Variants in GRIN2B observed in about 807,000 individuals in gnomAD.
The protein encoded by GRIN2B is glutamate ionotropic receptor NMDA type subunit 2B.
A neutral mutation model predicts 114.5 loss-of-function variants in GRIN2B; 5 were observed. The ratio of observed to expected loss-of-function variants is 0.04; its 90% CI spans 0.02 to 0.09. The LOEUF is 0.09. Ranked by LOEUF, GRIN2B falls within the 10% of genes least tolerant of loss-of-function variation. The probability of loss-of-function intolerance (pLI) is 1.00; values close to 1 mark genes in which losing one functional copy is unlikely to be tolerated. For synonymous variants in GRIN2B, 787 were observed against 745.1 expected (o/e 1.06, Z -0.92); for missense variants, 1,108 against 1,943.5 (o/e 0.57, Z 8.08).
chr12:13,968,690 A>G (rs2136869186), intron 2 of GRIN2B, among the ~76,000 whole-genome samples: 1 of 152,320 alleles, frequency 6.6e-6, no homozygotes, highest in East Asian at 1.9e-4. Flanking sequence ...TTTTATATTT[A>G]TTTTCTATAA....
chr12:13,739,246 G>C (rs989685149), intron 4 of GRIN2B, among the ~76,000 whole-genome samples: 1 of 151,708 alleles, frequency 6.6e-6, no homozygotes, highest in Admixed American at 6.6e-5. Flanking sequence ...CGGGCATGGT[G>C]GTGCATGCTA....
At chr12:13,630,969 C>T (rs953472753) in intron 5 of GRIN2B, among the ~76,000 whole-genome samples, 2 of 152,076 alleles carry the variant, frequency 1.3e-5, no homozygotes, top group Admixed American at 6.6e-5. Context: ...GCACATCTTA[C>T]GTGGCAGCAG....
At chr12:13,781,365 A>C (rs1047182013) in intron 3 of GRIN2B, among the ~76,000 whole-genome samples, 1 of 152,212 alleles carries the variant, frequency 6.6e-6, no homozygotes, top group African/African-American at 2.4e-5. Context: ...AGATTATTGT[A>C]AATTTGGGAA....
intron 2 of GRIN2B, among the ~76,000 whole-genome samples, chr12:13,958,883 A>G (rs1458212444): frequency 3.3e-5 from 5 of 152,142 alleles, no homozygotes; most frequent in African/African-American, 1.2e-4. Context: ...GGGAAAAAAG[A>G]CGTTATAGAG....
chr12:13,741,535 G>C (rs1440567280), intron 4 of GRIN2B, among the ~76,000 whole-genome samples: 1 of 152,096 alleles, frequency 6.6e-6, no homozygotes, highest in Non-Finnish European at 1.5e-5. Context: ...ATCTCAGGGG[G>C]TTTGGGGTTT....
intron 10 of GRIN2B, among the ~76,000 whole-genome samples, chr12:13,592,666 T>A (rs1369548710): frequency 6.6e-6 from 1 of 152,114 alleles, no homozygotes; most frequent in Non-Finnish European, 1.5e-5. Flanking sequence ...CTGGCCCCCA[T>A]ACTTCATTTA....
chr12:13,633,283 C>A (rs1949632951), intron 5 of GRIN2B, among the ~76,000 whole-genome samples: 1 of 152,244 alleles, frequency 6.6e-6, no homozygotes, highest in Non-Finnish European at 1.5e-5. Flanking sequence ...TCTCAGGCAT[C>A]TCTCCAGAAC....
rs141353644 is a variant in GRIN2B, at chr12:13,760,628, C to T, written c.412-6713G>A. On this transcript the variant is annotated intron_variant, in intron 3 of 13. Coordinates refer to ENST00000609686, the MANE Select transcript of GRIN2B (RefSeq NM_000834.5). ...AATCTGTGTCTGAAAAACTCTGGAACTGGTAGGCTTTCCCTGAGACTTTCT... is the reference window on the plus strand; with the variant it reads ...AATCTGTGTCTGAAAAACTCTGGAATTGGTAGGCTTTCCCTGAGACTTTCT... Among the ~76,000 whole-genome samples the T allele has an allele frequency of 6.4e-3, 975 of 152,290 alleles. 7 individuals carry two copies. Among genetic ancestry groups the T allele is most frequent in the Middle Eastern group, 0.017 (5 of 294 alleles).
intron 2 of GRIN2B, among the ~76,000 whole-genome samples, chr12:13,933,323 G>A (rs1023299061): frequency 6.6e-6 from 1 of 152,130 alleles, no homozygotes; most frequent in African/African-American, 2.4e-5. Context: ...CTTCCCTGGG[G>A]CAGCATCTTC....
At chr12:13,688,736 C>A (rs1427446687) in intron 4 of GRIN2B, among the ~76,000 whole-genome samples, 4 of 152,152 alleles carry the variant, frequency 2.6e-5, no homozygotes, top group African/African-American at 4.8e-5. Flanking sequence ...AAAAACTTAT[C>A]CTGCTTTGGC....
At chr12:13,616,368 C>T in intron 6 of GRIN2B, 87 bp downstream of exon 6, 4 of 919,726 alleles carry the variant, frequency 4.3e-6, no homozygotes, top group Non-Finnish European at 7.2e-6. Flanking sequence ...AATTCTCATG[C>T]CTCAGGTCTC....
At chr12:13,871,447 T>A (rs570885784) in intron 2 of GRIN2B, among the ~76,000 whole-genome samples, 1 of 151,644 alleles carries the variant, frequency 6.6e-6, no homozygotes, top group African/African-American at 2.4e-5. Flanking sequence ...AAACTAAAAT[T>A]CCTTTGAACA....
chr12:13,697,973 C>T (rs115326452), intron 4 of GRIN2B, among the ~76,000 whole-genome samples: 223 of 152,290 alleles, frequency 1.5e-3, no homozygotes, highest in African/African-American at 5.2e-3. Context: ...GATAAATAGA[C>T]CCCACCTGCT....
chr12:13,753,949 GA>G lies in GRIN2B; in HGVS notation c.412-35del. On this transcript the variant is annotated intron_variant, in intron 3 of 13. Transcript: ENST00000609686. The surrounding 1 kb of genome is among the most constrained non-coding windows in gnomAD (Gnocchi z 6.2). ...AGAACAGGACAAAAAAAGGAAGAGA[GA>G]AAAAAATCAAACCAAAGATGGTAAT... The G allele has an allele frequency of 7.0e-7, 1 of 1,424,236 alleles. No homozygotes were observed. Among genetic ancestry groups the G allele is most frequent in the Non-Finnish European group, 9.9e-7 (1 of 1,008,924 alleles). 88.2% of individuals were successfully genotyped at this position (1,424,236 alleles called of 1,614,324 possible).
intron 3 of GRIN2B, among the ~76,000 whole-genome samples, chr12:13,783,400 A>T (rs969989969): frequency 1.0e-5 from 1 of 99,464 alleles, no homozygotes; most frequent in Non-Finnish European, 2.3e-5. Flanking sequence ...GATCTCCAAA[A>T]TATAGGACAA....
At chr12:13,723,225 G>C (rs547762804) in intron 4 of GRIN2B, among the ~76,000 whole-genome samples, 46 of 151,882 alleles carry the variant, frequency 3.0e-4, no homozygotes, top group African/African-American at 1.0e-3. Flanking sequence ...GTGCCATGGT[G>C]GTTTGCTGCA....
chr12:13,655,467 A>T (rs2136521133), intron 5 of GRIN2B, among the ~76,000 whole-genome samples: 1 of 152,312 alleles, frequency 6.6e-6, no homozygotes. Context: ...GCATTAGGAC[A>T]CTTAGAAGCT....
intron 5 of GRIN2B, among the ~76,000 whole-genome samples, chr12:13,649,280 G>A (rs1202942458): frequency 1.3e-5 from 2 of 152,004 alleles, no homozygotes; most frequent in Admixed American, 6.6e-5. Context: ...GGAGGGACTC[G>A]CTCTTCTCTA....
At chr12:13,862,713 T>A (rs997614663) in intron 3 of GRIN2B, among the ~76,000 whole-genome samples, 4 of 152,194 alleles carry the variant, frequency 2.6e-5, no homozygotes, top group African/African-American at 9.7e-5. Flanking sequence ...TTGAGGTGTT[T>A]TATCTTTGAA....
Sources: gnomAD v4.1 joint callset for allele counts (sites outside exome capture counted in the v4.1 genomes callset) on GRCh38, gnomAD v4.1.1 for gene constraint, Gnocchi (gnomAD v3.1) non-coding constraint, MANE v1.5 for transcripts, NCBI Gene and HGNC (gene_info 2026-07-23, HGNC 2026-07-21) for gene names.